PPP4R3B: variants seen among roughly 807,000 people sequenced by gnomAD.
PPP4R3B encodes serine/threonine-protein phosphatase 4 regulatory subunit 3B.
PPP4R3B carries 52 observed loss-of-function variants against 95.4 expected under a neutral mutation model. That is an observed-to-expected ratio of 0.54 (90% CI 0.44 to 0.69). The LOEUF (loss-of-function observed/expected upper bound fraction) is 0.69, where lower values mean the gene tolerates loss of function less well. Ranked by LOEUF, PPP4R3B falls within the 30% of genes least tolerant of loss-of-function variation. The pLI, the probability that PPP4R3B is intolerant of heterozygous loss-of-function variation, is 0.00. For synonymous variants in PPP4R3B, 407 were observed against 343.9 expected, an observed-to-expected ratio of 1.18 and a Z score of -2.03; for missense variants, 1,003 against 1,005.9, an observed-to-expected ratio of 1.00 and a Z score of 0.04.
At position 55,585,111 on chromosome 2, in the gene PPP4R3B, T is replaced by C. The variant is rs776887052; in HGVS notation, c.1173A>G (p.Val391=). The change falls in exon 7 of 17, where the codon GTA becomes GTG. Residue 391 remains valine, a synonymous_variant. Transcript: ENST00000616407. ...CTCGGACCATAGATGGACTAAATTCTACTAGATAAGAAAATATATCTGTAG... is the reference window on the plus strand; with the variant it reads ...CTCGGACCATAGATGGACTAAATTCCACTAGATAAGAAAATATATCTGTAG... ...SAATDIFSYL[V]EFSPSMVREF... 12 of 1,611,896 alleles carry C rather than the reference T, an allele frequency of 7.4e-6. No individual in the cohort carries two copies. The South Asian group carries it at 1.2e-4, about 16-fold the overall frequency.
At position 55,547,632 on chromosome 2, in the gene PPP4R3B, A is replaced by G. The variant is rs1209630768; in HGVS notation, c.*2279T>C. The G allele has an allele frequency of 6.6e-6, 1 of 152,248 alleles. No homozygotes were observed. Among genetic ancestry groups the G allele is most frequent in the Non-Finnish European group, 1.5e-5 (1 of 68,040 alleles). The allele number at this position is 152,248 out of a possible 1,614,324, so 9.4% of individuals were successfully genotyped here. A position where few individuals can be genotyped will look rare whatever the true frequency, so the allele number is the denominator to read the frequency against. ...CTGATGATTTAAATGTTTAAGACTT[A>G]TGGCAGCTCTTCAGAAAGAAAAAGG... On this transcript the variant is annotated 3_prime_UTR_variant, in exon 17 of 17. Transcript: ENST00000616407.
intron 8 of PPP4R3B, among the ~76,000 whole-genome samples, chr2:55,580,926 G>A (rs750881029): frequency 2.0e-5 from 3 of 151,884 alleles, no homozygotes; most frequent in Non-Finnish European, 4.4e-5. Context: ...CTTTTTTATG[G>A]TGATAAAATC....
chr2:55,616,662 G>A (rs1051716861), intron 1 of PPP4R3B: 1 of 152,392 alleles, frequency 6.6e-6, no homozygotes, highest in Non-Finnish European at 1.5e-5. Context: ...AATACAGCCA[G>A]GAAAACGTGC....
chr2:55,579,701 A>C lies in PPP4R3B; in HGVS notation c.1446T>G (p.Thr482=), dbSNP rs567901275. 6.2e-6 allele frequency: 10 copies of C among 1,600,164 alleles called. No individual in the cohort carries two copies. In the South Asian group the frequency reaches 1.0e-4, roughly 16 times the overall value. The part of the protein sequence containing the change: ...HVLTAPLLTN[T]SEDKCEKDFF... Reference sequence around the variant, plus strand: ...TACCCTTTTCACATTTGTCTTCTGAAGTATTGGTCAAAAGTGGTGCTGTGA... The same window carrying C: ...TACCCTTTTCACATTTGTCTTCTGACGTATTGGTCAAAAGTGGTGCTGTGA... The change falls in exon 9 of 17, where the codon ACT becomes ACG. Residue 482 remains threonine (T), a synonymous_variant. Transcript: ENST00000616407.
At chr2:55,615,805 C>G (rs1265232598) in intron 1 of PPP4R3B, among the ~76,000 whole-genome samples, 4 of 142,414 alleles carry the variant, frequency 2.8e-5, no homozygotes, top group African/African-American at 1.1e-4. Flanking sequence ...GTTGCAGTAG[C>G]CCAGATCGCG....
intron 2 of PPP4R3B, among the ~76,000 whole-genome samples, chr2:55,609,856 C>T (rs1245885233): frequency 2.6e-5 from 4 of 152,038 alleles, no homozygotes; most frequent in Non-Finnish European, 5.9e-5. Flanking sequence ...ATGCATACCT[C>T]CAGCAAGATA....
intron 9 of PPP4R3B, among the ~76,000 whole-genome samples, chr2:55,579,276 G>A (rs1574780972): frequency 6.6e-6 from 1 of 152,044 alleles, no homozygotes; most frequent in Non-Finnish European, 1.5e-5. Context: ...TGCATTTGGA[G>A]GCTAAGTTAA....
rs1361971908 is a variant in PPP4R3B, at chr2:55,548,555, T to C, written c.*1356A>G. The stretch of plus-strand genomic sequence containing the variant: ...CAGACAGCTCATCTTTTCCAAACAA[T>C]AGCCAAAATTAAAATTAACTACAAA... On this transcript the variant is annotated 3_prime_UTR_variant, in exon 17 of 17. Coordinates refer to ENST00000616407, the MANE Select transcript of PPP4R3B (RefSeq NM_001122964.3). 1.3e-5 allele frequency: 2 copies of C among 152,600 alleles called. No individual in the cohort carries two copies. Among genetic ancestry groups the C allele is most frequent in the East Asian group, 1.9e-4 (1 of 5,198 alleles). 9.5% of individuals were successfully genotyped at this position (152,600 alleles called of 1,614,324 possible).
In PPP4R3B at chr2:55,599,049, T is replaced by C. The variant is rs747176016; in HGVS notation, c.298-10A>G. Reference sequence around the variant, plus strand: ...GGTCTTTACCTTGAACCTAAAAATATCCAAGTATACAGCTAATTACCTTAA... The same window carrying C: ...GGTCTTTACCTTGAACCTAAAAATACCCAAGTATACAGCTAATTACCTTAA... On this transcript the variant is annotated splice_polypyrimidine_tract_variant and intron_variant, in intron 3 of 16. Coordinates refer to ENST00000616407, the MANE Select transcript of PPP4R3B (RefSeq NM_001122964.3). The C allele has an allele frequency of 6.3e-7, 1 of 1,587,716 alleles. No individual in the cohort carries two copies. The highest frequency in any genetic ancestry group is 8.5e-7 in the Non-Finnish European group (1 of 1,170,866).
At chr2:55,577,569 T>C (rs1287329429) in intron 10 of PPP4R3B, among the ~76,000 whole-genome samples, 2 of 152,210 alleles carry the variant, frequency 1.3e-5, no homozygotes, top group African/African-American at 4.8e-5. Flanking sequence ...AAAGACAACA[T>C]AGCATAAATA....
At chr2:55,606,383 C>G (rs1453985795) in intron 2 of PPP4R3B, among the ~76,000 whole-genome samples, 1 of 151,978 alleles carries the variant, frequency 6.6e-6, no homozygotes, top group Non-Finnish European at 1.5e-5. Context: ...GATATAAATC[C>G]ATATTTAAAA....
chr2:55,614,445 G>A (rs1193905339), intron 2 of PPP4R3B: 4 of 152,154 alleles, frequency 2.6e-5, no homozygotes, highest in Non-Finnish European at 5.9e-5. Context: ...TTGTTAACAT[G>A]AACGAATATT....
Position 55,588,886 on chromosome 2 carries a change from C to T in PPP4R3B, c.992G>A (p.Arg331His), listed in dbSNP as rs1348393312. ...TTGAATTTCATAACTTACCAATTCA[C>T]GCCGTTTATCATCATCTGTAGCCTC... ...TDEATDDDKR[R>H]ELVNFFKEFC... is the part of the protein sequence containing the mutation. The change falls in exon 5 of 17, where the codon CGT becomes CAT. Residue 331 changes from arginine to histidine, a missense_variant. Arg to His is a conservative substitution (Grantham distance 29, BLOSUM62 0). Around this residue, in one of 3 missense-constraint regions of PPP4R3B, gnomAD observed 695 missense variants for 686.2 expected, o/e 1.01. Coordinates refer to ENST00000616407, the MANE Select transcript of PPP4R3B (RefSeq NM_001122964.3). The T allele has an allele frequency of 1.3e-5, 21 of 1,604,788 alleles. No homozygotes were observed. The highest frequency in any genetic ancestry group is 1.7e-4 in the Middle Eastern group (1 of 6,028).
chr2:55,548,130 G>A lies in PPP4R3B; in HGVS notation c.*1781C>T, dbSNP rs1684901296. 1 of 152,150 alleles carries A rather than the reference G, an allele frequency of 6.6e-6. No homozygotes were observed. The highest frequency in any genetic ancestry group is 6.6e-5 in the Admixed American group (1 of 15,256). 9.4% of individuals were successfully genotyped at this position (152,150 alleles called of 1,614,324 possible). On this transcript the variant is annotated 3_prime_UTR_variant, in exon 17 of 17. Coordinates refer to ENST00000616407, the MANE Select transcript of PPP4R3B (RefSeq NM_001122964.3). ...CTATATGTACACCTTTAATTGAAAA[G>A]GTGAGAAAAGCTCCATACTGTGATG...
At chr2:55,603,525 A>C (rs1365030548) in intron 3 of PPP4R3B, among the ~76,000 whole-genome samples, 2 of 152,248 alleles carry the variant, frequency 1.3e-5, no homozygotes, top group Admixed American at 6.5e-5. Flanking sequence ...TAGTTACTTA[A>C]GAGTTACCAC....
rs1689412520 is a variant in PPP4R3B at position 55,581,296 on chromosome 2, T to C, written c.1365+271A>G. On this transcript the variant is annotated intron_variant, in intron 8 of 16. Coordinates refer to ENST00000616407, the MANE Select transcript of PPP4R3B (RefSeq NM_001122964.3). ...TATCATTTTTAAGTGTACAGTTTAG[T>C]AGTGTTAAGTATAATCACATTGCTG... is the stretch of plus-strand genomic sequence containing the variant. Among the ~76,000 whole-genome samples the C allele has an allele frequency of 4.6e-5, 7 of 152,272 alleles. No individual in the cohort carries two copies. The South Asian group carries it at 1.5e-3, about 32-fold the overall frequency.
chr2:55,574,935 C>CTTT (rs70954131), intron 11 of PPP4R3B, among the ~76,000 whole-genome samples: 8 of 99,330 alleles, frequency 8.1e-5, no homozygotes, highest in African/African-American at 1.9e-4. Flanking sequence ...TATACAACTT[C>CTTT]TTTTTTTTTT....
chr2:55,607,307 A>G (rs1244301793), intron 2 of PPP4R3B, among the ~76,000 whole-genome samples: 1 of 152,160 alleles, frequency 6.6e-6, no homozygotes, highest in African/African-American at 2.4e-5. Flanking sequence ...GTCAGATACC[A>G]CAGTTGAGGG....
At chr2:55,613,928 C>T (rs962421124) in intron 2 of PPP4R3B, among the ~76,000 whole-genome samples, 24 of 152,088 alleles carry the variant, frequency 1.6e-4, no homozygotes, top group African/African-American at 5.3e-4. Flanking sequence ...AGCTGCCTGG[C>T]TGACTGAGAA....
Sources: allele counts gnomAD v4.1 joint callset (sites outside exome capture counted in the v4.1 genomes callset), GRCh38; gene constraint gnomAD v4.1.1; regional missense constraint gnomAD v4.1.1; transcripts MANE v1.5; gene names NCBI Gene and HGNC (gene_info 2026-07-23, HGNC 2026-07-21).